The following PTER variants were observed in gnomAD, a reference collection of about 807,000 sequenced individuals.
PTER encodes N-acetyltaurine hydrolase.
In PTER, 38 loss-of-function variants were observed where a neutral mutation model predicts 29.6. The observed-to-expected ratio is 1.28, with a 90% CI of 0.99 to 1.68. The LOEUF is 1.68. Among genes scored for constraint, PTER ranks in the 40% most tolerant of loss-of-function variants. The pLI, the probability that PTER is intolerant of heterozygous loss-of-function variation, is 0.00. For missense variants in PTER, 482 were observed against 427.8 expected (o/e 1.13, Z -1.12); for synonymous variants, 172 against 154.5 (o/e 1.11, Z -0.84).
At chr10:16,486,841 A>T in intron 3 of PTER, 1 of 504,464 alleles carries the variant, frequency 2.0e-6, no homozygotes, top group East Asian at 3.2e-5. Context: ...GGTATTTCAC[A>T]TAAGATATTT....
intron 1 of PTER, among the ~76,000 whole-genome samples, chr10:16,461,925 A>T (rs963666429): frequency 3.3e-5 from 5 of 151,274 alleles, no homozygotes; most frequent in African/African-American, 1.2e-4. Flanking sequence ...TATCTTTTTC[A>T]TGACTTTTTT....
chr10:16,507,025 A>G (rs1296034500), intron 4 of PTER, among the ~76,000 whole-genome samples: 1 of 151,750 alleles, frequency 6.6e-6, no homozygotes, highest in Non-Finnish European at 1.5e-5. Flanking sequence ...GGAACAGTTC[A>G]AGAGATTGAG....
chr10:16,514,751 T>C, downstream of PTER: 1 of 1,494,086 alleles, frequency 6.7e-7, no homozygotes, highest in South Asian at 1.2e-5. Flanking sequence ...ATGAGAATTC[T>C]CAAGTTTTCT....
At chr10:16,473,537 A>AAAAAAAC (rs1564395741) in intron 1 of PTER, among the ~76,000 whole-genome samples, 1 of 150,652 alleles carries the variant, frequency 6.6e-6, no homozygotes, top group Non-Finnish European at 1.5e-5. Context: ...AAAAAAAAAA[A>AAAAAAAC]AAAAAAAAAA....
At chr10:16,472,362 A>C (rs1263797131) in intron 1 of PTER, among the ~76,000 whole-genome samples, 1 of 152,108 alleles carries the variant, frequency 6.6e-6, no homozygotes, top group African/African-American at 2.4e-5. Flanking sequence ...AATAATCCCC[A>C]TGTGTCAAGG....
At chr10:16,498,919 G>A (rs1195513492) in intron 3 of PTER, among the ~76,000 whole-genome samples, 1 of 152,148 alleles carries the variant, frequency 6.6e-6, no homozygotes, top group Admixed American at 6.5e-5. Flanking sequence ...AGACGTTCAC[G>A]GCGCAAGGTG....
At chr10:16,505,391 T>C (rs756058430) in intron 4 of PTER, among the ~76,000 whole-genome samples, 5 of 152,146 alleles carry the variant, frequency 3.3e-5, no homozygotes, top group Non-Finnish European at 7.4e-5. Flanking sequence ...AGAAGTTCAG[T>C]GCAGATGGGC....
At chr10:16,474,851 C>T (rs958504485) in intron 1 of PTER, among the ~76,000 whole-genome samples, 6 of 152,132 alleles carry the variant, frequency 3.9e-5, no homozygotes, top group Non-Finnish European at 7.3e-5. Context: ...CGCACCACTG[C>T]ACTCCAGCCT....
intron 4 of PTER, among the ~76,000 whole-genome samples, chr10:16,507,731 A>G (rs937165455): frequency 1.3e-5 from 2 of 152,260 alleles, no homozygotes; most frequent in African/African-American, 4.8e-5. Context: ...TCTCAACTCT[A>G]CATGAGCAAA....
At chr10:16,492,256 G>C (rs759351512) in intron 3 of PTER, among the ~76,000 whole-genome samples, 2 of 152,182 alleles carry the variant, frequency 1.3e-5, no homozygotes, top group Non-Finnish European at 2.9e-5. Flanking sequence ...GGCTGCCCTT[G>C]ATAGTTACAG....
At chr10:16,467,422 C>T (rs570001434) in intron 1 of PTER, among the ~76,000 whole-genome samples, 1 of 151,998 alleles carries the variant, frequency 6.6e-6, no homozygotes, top group Non-Finnish European at 1.5e-5. Context: ...TAAGAGGGCA[C>T]TACTGTGGAT....
At chr10:16,504,002 T>C (rs904484416) in intron 3 of PTER, among the ~76,000 whole-genome samples, 2 of 152,208 alleles carry the variant, frequency 1.3e-5, no homozygotes, top group Non-Finnish European at 2.9e-5. Flanking sequence ...ATTCCTTTCA[T>C]GCAATGTCTA....
chr10:16,472,484 G>A (rs1453453731), intron 1 of PTER, among the ~76,000 whole-genome samples: 1 of 152,118 alleles, frequency 6.6e-6, no homozygotes, highest in African/African-American at 2.4e-5. Flanking sequence ...GAGTTCCCCT[G>A]TGCAAGCTCT....
chr10:16,499,978 C>T (rs560534100), intron 3 of PTER, among the ~76,000 whole-genome samples: 2 of 152,028 alleles, frequency 1.3e-5, no homozygotes, highest in African/African-American at 2.4e-5. Context: ...AGCAACCCTC[C>T]CAGAGGCTTG....
intron 3 of PTER, among the ~76,000 whole-genome samples, chr10:16,500,324 G>A (rs765353888): frequency 8.6e-5 from 13 of 151,632 alleles, no homozygotes; most frequent in Admixed American, 1.3e-4. Context: ...ACCATAGCTC[G>A]CTGCAGCCTC....
chr10:16,453,323 GA>G (rs1834280851), intron 1 of PTER, among the ~76,000 whole-genome samples: 1 of 152,108 alleles, frequency 6.6e-6, no homozygotes, highest in Non-Finnish European at 1.5e-5. Context: ...GTTGTGTTGT[GA>G]TTATTGGAAA....
intron 1 of PTER, among the ~76,000 whole-genome samples, chr10:16,445,334 C>G (rs927530652): frequency 6.6e-6 from 1 of 152,144 alleles, no homozygotes; most frequent in African/African-American, 2.4e-5. Flanking sequence ...ATGGCTTGAA[C>G]CTGGGAGGCG....
chr10:16,444,591 C>G (rs976593161), intron 1 of PTER, among the ~76,000 whole-genome samples: 3 of 151,818 alleles, frequency 2.0e-5, no homozygotes, highest in African/African-American at 7.3e-5. Context: ...TGGGGTCTCA[C>G]TCTGTTGCCC....
At chr10:16,499,669 C>G (rs1375444082) in intron 3 of PTER, among the ~76,000 whole-genome samples, 1 of 152,062 alleles carries the variant, frequency 6.6e-6, no homozygotes, top group Non-Finnish European at 1.5e-5. Flanking sequence ...GTCTGGAATT[C>G]ATGAGCTCAA....
Sources: gnomAD v4.1 joint callset for allele counts (sites outside exome capture counted in the v4.1 genomes callset) on GRCh38, gnomAD v4.1.1 for gene constraint, MANE v1.5 for transcripts, NCBI Gene and HGNC (gene_info 2026-07-23, HGNC 2026-07-21) for gene names.